The following INTS6 variants were observed in gnomAD, a reference collection of about 807,000 sequenced individuals.
INTS6 encodes the protein DEAD box protein.
INTS6 carries 16 observed loss-of-function variants against 104.9 expected under a neutral mutation model. The observed-to-expected ratio is 0.15, with a 90% CI of 0.10 to 0.23. INTS6 has a LOEUF of 0.23. Ranked by LOEUF, INTS6 falls within the 10% of genes least tolerant of loss-of-function variation. The probability of loss-of-function intolerance (pLI) is 1.00; values close to 1 mark genes in which losing one functional copy is unlikely to be tolerated. For missense variants in INTS6, 584 were observed against 1,062.8 expected (o/e 0.55, Z 6.26); for synonymous variants, 324 against 358.7 (o/e 0.90, Z 1.09).
intron 4 of INTS6, among the ~76,000 whole-genome samples, chr13:51,408,441 G>A (rs949805320): frequency 9.9e-5 from 15 of 152,142 alleles, no homozygotes; most frequent in Admixed American, 2.6e-4. Context: ...CACTGCACCC[G>A]GTCATTGAGT....
chr13:51,338,807 AG>A, the INTS6 span, among the ~76,000 whole-genome samples: 1 of 152,260 alleles, frequency 6.6e-6, no homozygotes, highest in African/African-American at 2.4e-5. Context: ...CACTGATTAC[AG>A]GGGTAGTTGT....
At chr13:51,435,310 T>G (rs1957167015) in intron 3 of INTS6, among the ~76,000 whole-genome samples, 1 of 151,992 alleles carries the variant, frequency 6.6e-6, no homozygotes, top group African/African-American at 2.4e-5. Flanking sequence ...ATGTTCTAGC[T>G]CTAGAGCTAC....
chr13:51,448,672 C>CA (rs745760474), intron 3 of INTS6: 7 of 152,044 alleles, frequency 4.6e-5, no homozygotes, highest in Non-Finnish European at 1.0e-4. Context: ...CATAAATATA[C>CA]AAATATATAT....
At chr13:51,341,802 T>A in the INTS6 span, among the ~76,000 whole-genome samples, 1 of 152,162 alleles carries the variant, frequency 6.6e-6, no homozygotes. Context: ...ATTTCAGAGA[T>A]GAGCAAATAG....
intron 3 of INTS6, 28 bp from the exon 4 acceptor site, chr13:51,430,411 C>T (rs1957069774): frequency 6.4e-7 from 1 of 1,566,212 alleles, no homozygotes; most frequent in African/African-American, 1.4e-5. Context: ...ATTGATCATA[C>T]AAAGATTTAG....
intron 2 of INTS6, chr13:51,451,720 G>GCGCCGCCGCCGCCGC (rs551582945): frequency 2.6e-5 from 5 of 192,320 alleles, no homozygotes; most frequent in East Asian, 1.5e-4. Flanking sequence ...GTTGATAGCA[G>GCGCCGCCGCCGCCGC]CGCCGCCGCC....
intron 3 of INTS6, chr13:51,440,379 TAA>T (rs1462494374): frequency 6.6e-6 from 1 of 152,110 alleles, no homozygotes; most frequent in Non-Finnish European, 1.5e-5. Context: ...TAAAAAGTTT[TAA>T]AACTTTAGAA....
downstream of INTS6, among the ~76,000 whole-genome samples, chr13:51,352,084 T>C (rs1280724171): frequency 1.3e-5 from 2 of 152,148 alleles, no homozygotes; most frequent in Non-Finnish European, 2.9e-5. Flanking sequence ...TTGTTTTAGC[T>C]ATTCTGGGCC....
At chr13:51,402,106 T>C (rs1468972228) in intron 4 of INTS6, among the ~76,000 whole-genome samples, 1 of 152,142 alleles carries the variant, frequency 6.6e-6, no homozygotes. Context: ...GCAATATATT[T>C]TTCTCCCTCT....
rs1956207142 is a variant in INTS6, at chr13:51,389,505, G to T, written c.614-61C>A. ...AATATAGTAAACTAGTTAGTTGCAA[G>T]AATTCCTATCATTAGCAAGAAAAAA... is the stretch of plus-strand genomic sequence containing the variant. On this transcript the variant is annotated intron_variant, in intron 5 of 17. Coordinates refer to ENST00000311234, the MANE Select transcript of INTS6 (RefSeq NM_012141.3). 3.5e-6 allele frequency: 5 copies of T among 1,419,734 alleles called. No homozygotes were observed. In the Admixed American group the frequency reaches 7.6e-5, roughly 21 times the overall value. 87.9% of individuals were successfully genotyped at this position (1,419,734 alleles called of 1,614,324 possible). A position where few individuals can be genotyped will look rare whatever the true frequency, so the allele number is the denominator to read the frequency against.
rs372530029 is a variant in INTS6, at chr13:51,452,193, C to A, written c.112-138G>T. On this transcript the variant is annotated intron_variant, in intron 1 of 17. Coordinates refer to ENST00000311234, the MANE Select transcript of INTS6 (RefSeq NM_012141.3). The surrounding 1 kb of genome is among the most constrained non-coding windows in gnomAD (Gnocchi z 4.2). ...GCGGCCACCCCTCCACGCCGTCCCC[C>A]ACACACAGATCGCTCCCCACACACC... 0.015 allele frequency: 12,092 copies of A among 822,742 alleles called. 202 individuals carry two copies. Among genetic ancestry groups the A allele is most frequent in the East Asian group, 0.07 (2,333 of 33,104 alleles). 51.0% of individuals were successfully genotyped at this position (822,742 alleles called of 1,614,324 possible). A position where few individuals can be genotyped will look rare whatever the true frequency, so the allele number is the denominator to read the frequency against.
downstream of INTS6, among the ~76,000 whole-genome samples, chr13:51,351,138 T>C (rs1412437974): frequency 1.3e-5 from 2 of 152,192 alleles, no homozygotes; most frequent in African/African-American, 2.4e-5. Flanking sequence ...TGTGTATATA[T>C]ATTTTCAATT....
intron 3 of INTS6, among the ~76,000 whole-genome samples, chr13:51,433,211 A>T (rs1957128087): frequency 6.6e-6 from 1 of 152,194 alleles, no homozygotes; most frequent in Non-Finnish European, 1.5e-5. Flanking sequence ...TGGGAGGCCA[A>T]GGTACGCGGA....
chr13:51,444,887 G>A (rs1397288759), intron 3 of INTS6: 2 of 131,548 alleles, frequency 1.5e-5, no homozygotes, highest in African/African-American at 2.9e-5. Context: ...GAAATATTTT[G>A]CAAATGTTTT....
intron 6 of INTS6, among the ~76,000 whole-genome samples, chr13:51,388,277 A>C (rs1025780419): frequency 3.3e-5 from 5 of 151,676 alleles, no homozygotes; most frequent in Admixed American, 2.0e-4. Flanking sequence ...TTTCATCTCT[A>C]TGATCTTTCT....
intron 15 of INTS6, among the ~76,000 whole-genome samples, chr13:51,371,010 C>G (rs1955792576): frequency 6.6e-6 from 1 of 152,178 alleles, no homozygotes; most frequent in African/African-American, 2.4e-5. Context: ...CATTCCACCC[C>G]CAAAGCCCTT....
chr13:51,365,892 G>A, intron 17 of INTS6, 47 bp from the exon 18 acceptor site: 1 of 1,014,678 alleles, frequency 9.9e-7, no homozygotes. Context: ...TTAATGAATA[G>A]TATATATCAG....
intron 4 of INTS6, among the ~76,000 whole-genome samples, chr13:51,396,320 A>AC (rs1224195223): frequency 6.6e-6 from 1 of 152,184 alleles, no homozygotes; most frequent in Non-Finnish European, 1.5e-5. Context: ...AGTGATTCTT[A>AC]CCACATCTGA....
chr13:51,348,153 C>G, the INTS6 span: 1 of 1,330,946 alleles, frequency 7.5e-7, no homozygotes, highest in African/African-American at 1.5e-5. Flanking sequence ...CAGGGTCCGA[C>G]ACTGGTTCAT....
Sources: allele counts gnomAD v4.1 joint callset (sites outside exome capture counted in the v4.1 genomes callset), GRCh38; gene constraint gnomAD v4.1.1; non-coding constraint Gnocchi (gnomAD v3.1); transcripts MANE v1.5; gene names NCBI Gene and HGNC (gene_info 2026-07-23, HGNC 2026-07-21).